The following STK32B variants were observed in gnomAD, a reference collection of about 807,000 sequenced individuals.
STK32B encodes the protein serine/threonine kinase 32B, also known as serine/threonine-protein kinase 32B.
In STK32B, 43 loss-of-function variants were observed where a neutral mutation model predicts 52.6. The ratio of observed to expected loss-of-function variants is 0.82; its 90% confidence interval spans 0.64 to 1.05. The LOEUF (loss-of-function observed/expected upper bound fraction) is 1.05. STK32B is among the 50% of genes least tolerant of loss of function. STK32B has a pLI of 0.00. For missense variants in STK32B, 621 were observed against 534.6 expected (o/e 1.16, Z -1.59); for synonymous variants, 238 against 204.3 (o/e 1.17, Z -1.41).
intron 3 of STK32B, among the ~76,000 whole-genome samples, chr4:5,214,997 T>G (rs1013492370): frequency 6.6e-6 from 1 of 152,208 alleles, no homozygotes; most frequent in African/African-American, 2.4e-5. Flanking sequence ...AAGAGATGGA[T>G]CATTGCTTTT....
the STK32B span, among the ~76,000 whole-genome samples, chr4:5,038,692 C>A: frequency 1.3e-5 from 2 of 152,130 alleles, no homozygotes; most frequent in Non-Finnish European, 2.9e-5. Context: ...AGGGTACTTA[C>A]AATGAATGGA....
rs936315911 is a variant in STK32B at position 5,380,257 on chromosome 4, A to G, written c.435-17950A>G. ...GAACATGCTATGTCAGAGCAACCCC[A>G]TCCCCATGGCCACGCACACCCTGAT... On this transcript the variant is annotated intron_variant, in intron 4 of 11. Transcript: ENST00000282908. This position sits in a 1 kb window ranked among gnomAD's most constrained non-coding sequence, Gnocchi z 4.3. Among the ~76,000 whole-genome samples the G allele has an allele frequency of 1.3e-5, 2 of 152,058 alleles. No homozygotes were observed. The highest frequency in any genetic ancestry group is 2.9e-5 in the Non-Finnish European group (2 of 68,012).
intron 11 of STK32B, among the ~76,000 whole-genome samples, chr4:5,493,529 G>T (rs1719932459): frequency 6.6e-6 from 1 of 152,094 alleles, no homozygotes; most frequent in African/African-American, 2.4e-5. Context: ...CAAAAAACCA[G>T]CTCCTGGATT....
the STK32B span, among the ~76,000 whole-genome samples, chr4:5,037,870 T>G: frequency 6.6e-6 from 1 of 152,208 alleles, no homozygotes; most frequent in South Asian, 2.1e-4. Context: ...TATTCATTTC[T>G]GTTCCTGCTG....
chr4:5,105,168 C>A (rs928151711), intron 1 of STK32B, among the ~76,000 whole-genome samples: 2 of 152,230 alleles, frequency 1.3e-5, no homozygotes, highest in African/African-American at 4.8e-5. Flanking sequence ...TTTACATTTT[C>A]TATCATTAAT....
intron 4 of STK32B, among the ~76,000 whole-genome samples, chr4:5,364,933 T>C (rs574902506): frequency 6.6e-6 from 1 of 152,188 alleles, no homozygotes; most frequent in Non-Finnish European, 1.5e-5. Context: ...TGGAGTGCAA[T>C]GGTGCAATCT....
chr4:5,319,026 G>T (rs190339757), intron 3 of STK32B, among the ~76,000 whole-genome samples: 1 of 151,948 alleles, frequency 6.6e-6, no homozygotes, highest in Admixed American at 6.6e-5. Flanking sequence ...GGATGGTCTC[G>T]ATCTCCTGAC....
At position 5,242,575 on chromosome 4, in the gene STK32B, A is replaced by G. The variant is rs997208089; in HGVS notation, c.260+74125A>G. ...TTCTTTTGCTGTGCAGAAGCTCTTG[A>G]GTTTAATTAGATCCCATTTGTCAAT... On this transcript the variant is annotated intron_variant, in intron 3 of 11. Coordinates refer to ENST00000282908, the MANE Select transcript of STK32B (RefSeq NM_018401.3). 2.6e-5 allele frequency among the ~76,000 whole-genome samples: 4 copies of G among 152,044 alleles called. No homozygotes were observed. In the South Asian group the frequency reaches 8.3e-4, roughly 32 times the overall value.
chr4:5,343,331 T>C (rs1380409440), intron 4 of STK32B, among the ~76,000 whole-genome samples: 2 of 152,170 alleles, frequency 1.3e-5, no homozygotes, highest in Non-Finnish European at 2.9e-5. Context: ...TGCCACATTT[T>C]CTTCATCCAG....
At position 5,145,737 on chromosome 4, in the gene STK32B, C is replaced by G. The variant is rs77462945; in HGVS notation, c.108+5777C>G. On this transcript the variant is annotated intron_variant, in intron 2 of 11. Transcript: ENST00000282908. ...TCTTATTTAATTGTGGGATACATAT[C>G]TGGATACCAGTCTTTTGTCAGACAT... Among the ~76,000 whole-genome samples the G allele has an allele frequency of 9.5e-3, 1,443 of 152,280 alleles. 19 individuals carry two copies. Among genetic ancestry groups the G allele is most frequent in the African/African-American group, 0.033 (1,376 of 41,552 alleles).
chr4:5,270,161 TAGGATAGATGTATATATAAAG>T (rs1002307852), intron 3 of STK32B, among the ~76,000 whole-genome samples: 1 of 152,054 alleles, frequency 6.6e-6, no homozygotes, highest in Non-Finnish European at 1.5e-5. Flanking sequence ...ACAGAATGAA[TAGGATAGATGTATATATAAAG>T]AGGAGTTTAT....
intron 11 of STK32B, among the ~76,000 whole-genome samples, chr4:5,478,486 T>G (rs1718408456): frequency 6.6e-6 from 1 of 152,222 alleles, no homozygotes; most frequent in African/African-American, 2.4e-5. Context: ...GGCCAAAGGC[T>G]GTTATTGAAT....
intron 6 of STK32B, among the ~76,000 whole-genome samples, chr4:5,443,934 C>T (rs947506151): frequency 1.3e-5 from 2 of 152,174 alleles, no homozygotes; most frequent in South Asian, 2.1e-4. Flanking sequence ...GTCAGGCACC[C>T]ACTTGAGGAG....
At position 5,168,411 on chromosome 4, in the gene STK32B, T is replaced by A. The variant is rs769507072; in HGVS notation, c.221T>A (p.Ile74Asn). ...EVRNVFRELQ[I>N]MQGLEHPFLV... ...CGGAATGTTTTCCGGGAGCTGCAGATCATGCAAGGGCTGGAGCACCCCTTC... is the reference window on the plus strand; with the variant it reads ...CGGAATGTTTTCCGGGAGCTGCAGAACATGCAAGGGCTGGAGCACCCCTTC... The change falls in exon 3 of 12, where the codon ATC becomes AAC. Residue 74 changes from isoleucine (I) to asparagine (N), a missense_variant. By Grantham distance (149) the Ile-to-Asn change is moderately radical. Coordinates refer to ENST00000282908, the MANE Select transcript of STK32B (RefSeq NM_018401.3). The A allele has an allele frequency of 6.2e-7, 1 of 1,613,914 alleles. No homozygotes were observed. The highest frequency in any genetic ancestry group is 1.7e-5 in the Admixed American group (1 of 60,014).
intron 11 of STK32B, among the ~76,000 whole-genome samples, chr4:5,493,927 C>T (rs539834133): frequency 4.1e-4 from 63 of 152,382 alleles, no homozygotes; most frequent in Admixed American, 2.2e-3. Flanking sequence ...AGTTTGATAG[C>T]ACTGTGGTCT....
chr4:5,131,858 T>A (rs552329512), intron 1 of STK32B, among the ~76,000 whole-genome samples: 1 of 152,342 alleles, frequency 6.6e-6, no homozygotes, highest in African/African-American at 2.4e-5. Context: ...GAAGGAAGAA[T>A]AACTGCTCCT....
intron 1 of STK32B, among the ~76,000 whole-genome samples, chr4:5,066,423 C>T (rs925236626): frequency 1.3e-5 from 2 of 152,214 alleles, no homozygotes; most frequent in Non-Finnish European, 2.9e-5. Context: ...CCCCACTCAA[C>T]AGCTAGAAAA....
chr4:5,058,715 G>A lies in STK32B; in HGVS notation c.52+6800G>A, dbSNP rs1200633186. Among the ~76,000 whole-genome samples the A allele has an allele frequency of 6.6e-6, 1 of 151,972 alleles. No homozygotes were observed. The highest frequency in any genetic ancestry group is 1.5e-5 in the Non-Finnish European group (1 of 67,986). ...GTAGACCATAGGAACACACCACCAT[G>A]CCCTGCTAGTTTATTTATTTATTTT... On this transcript the variant is annotated intron_variant, in intron 1 of 11. Coordinates refer to ENST00000282908, the MANE Select transcript of STK32B (RefSeq NM_018401.3). The surrounding 1 kb of genome is among the most constrained non-coding windows in gnomAD (Gnocchi z 4.8).
At chr4:5,462,899 A>G (rs1347343668) in intron 9 of STK32B, among the ~76,000 whole-genome samples, 1 of 152,230 alleles carries the variant, frequency 6.6e-6, no homozygotes, top group African/African-American at 2.4e-5. Flanking sequence ...CCATAAGCCA[A>G]TAAACCTACA....
Sources: gnomAD v4.1 joint callset for allele counts (sites outside exome capture counted in the v4.1 genomes callset) on GRCh38, gnomAD v4.1.1 for gene constraint, Gnocchi (gnomAD v3.1) non-coding constraint, MANE v1.5 for transcripts, NCBI Gene and HGNC (gene_info 2026-07-23, HGNC 2026-07-21) for gene names.